Variants in KCNQ1 observed in about 807,000 individuals in gnomAD.
KCNQ1 encodes the protein potassium voltage-gated channel subfamily Q member 1, also known as potassium voltage-gated channel subfamily KQT member 1.
Under a neutral mutation model 72.4 loss-of-function variants are expected in KCNQ1, and 49 were observed. The ratio of observed to expected loss-of-function variants is 0.68; its 90% confidence interval spans 0.54 to 0.86. KCNQ1 has a LOEUF of 0.86. KCNQ1 is among the 40% of genes least tolerant of loss of function. The pLI is 0.00. For missense variants in KCNQ1, 790 were observed against 945.1 expected (o/e 0.84, Z 2.15); for synonymous variants, 450 against 412.6 (o/e 1.09, Z -1.10).
chr11:2,675,462 A>G (rs945509363), intron 11 of KCNQ1: 1 of 398,566 alleles, frequency 2.5e-6, no homozygotes, highest in Non-Finnish European at 4.4e-6. Context: ...AAATGGAAAA[A>G]AGTTACATAA....
Position 2,550,546 on chromosome 11 carries a change from TA to T in KCNQ1, c.478-20081del, listed in dbSNP as rs1847968287. 6.6e-6 allele frequency among the ~76,000 whole-genome samples: 1 copy of T among 152,198 alleles called. No homozygotes were observed. The highest frequency in any genetic ancestry group is 2.1e-4 in the South Asian group (1 of 4,822). Reference sequence around the variant, plus strand: ...CTGATGCCTGACATGCATCCTCGCCTAGGCCAGAGTGCCAGGCAGGGTAGGG... The same window carrying T: ...CTGATGCCTGACATGCATCCTCGCCTGGCCAGAGTGCCAGGCAGGGTAGGG... On this transcript the variant is annotated intron_variant, in intron 2 of 15. Coordinates refer to ENST00000155840, the MANE Select transcript of KCNQ1 (RefSeq NM_000218.3). This position sits in a 1 kb window ranked among gnomAD's most constrained non-coding sequence, Gnocchi z 6.0.
chr11:2,536,500 A>G lies in KCNQ1; in HGVS notation c.477+8482A>G, dbSNP rs1022025794. Among the ~76,000 whole-genome samples, 24 of 152,134 alleles carry G rather than the reference A, an allele frequency of 1.6e-4. No individual in the cohort carries two copies. Among genetic ancestry groups the G allele is most frequent in the Middle Eastern group, 3.4e-3 (1 of 294 alleles). The stretch of plus-strand genomic sequence containing the variant: ...CTGTGGGGGCAGAGGACCTGGGGAG[A>G]CATGCTGAGCCCTCCCAGCGAGACA... On this transcript the variant is annotated intron_variant, in intron 2 of 15. Coordinates refer to ENST00000155840, the MANE Select transcript of KCNQ1 (RefSeq NM_000218.3). This position sits in a 1 kb window ranked among gnomAD's most constrained non-coding sequence, Gnocchi z 7.4.
At chr11:2,539,575 C>T (rs569657208) in intron 2 of KCNQ1, among the ~76,000 whole-genome samples, 159 of 152,350 alleles carry the variant, frequency 1.0e-3, no homozygotes, top group African/African-American at 3.8e-3. Flanking sequence ...CGCCATGGTG[C>T]TCTGCTCTCT....
rs983564411 is a variant in KCNQ1, at chr11:2,824,281, G to T, written c.1795-23486G>T. Among the ~76,000 whole-genome samples, 13 of 152,132 alleles carry T rather than the reference G, an allele frequency of 8.5e-5. No homozygotes were observed. The highest frequency in any genetic ancestry group is 2.7e-4 in the African/African-American group (11 of 41,432). Reference sequence around the variant, plus strand: ...GGCTACGCAGAGGCCCTGGGAGGAGGGAGGCTAGGCCCAGGGGTGGAAAGA... The same window carrying T: ...GGCTACGCAGAGGCCCTGGGAGGAGTGAGGCTAGGCCCAGGGGTGGAAAGA... On this transcript the variant is annotated intron_variant, in intron 15 of 15. Coordinates refer to ENST00000155840, the MANE Select transcript of KCNQ1 (RefSeq NM_000218.3). The surrounding 1 kb of genome is among the most constrained non-coding windows in gnomAD (Gnocchi z 5.9).
intron 11 of KCNQ1, among the ~76,000 whole-genome samples, chr11:2,733,800 A>ACG (rs1845894943): frequency 1.0e-5 from 1 of 99,002 alleles, no homozygotes; most frequent in South Asian, 3.1e-4. Context: ...ACACACACAC[A>ACG]CACACACACA....
chr11:2,594,891 C>T (rs2133769500), intron 10 of KCNQ1, among the ~76,000 whole-genome samples: 1 of 152,282 alleles, frequency 6.6e-6, no homozygotes, highest in East Asian at 1.9e-4. Flanking sequence ...TTTTTTCTGA[C>T]TCTTGCTCAT....
chr11:2,552,999 T>C (rs1264946307), intron 2 of KCNQ1, among the ~76,000 whole-genome samples: 3 of 152,262 alleles, frequency 2.0e-5, no homozygotes, highest in African/African-American at 4.8e-5. Context: ...TTGAAGCTAC[T>C]GAAATGATAT....
intron 10 of KCNQ1, chr11:2,616,565 A>C (rs1384786504): frequency 2.8e-5 from 11 of 397,962 alleles, no homozygotes. Context: ...ACTACATCCC[A>C]TAAGTCTGAG....
rs144910098 is a variant in KCNQ1, at chr11:2,783,375, A to G, written c.1794+5338A>G. On this transcript the variant is annotated intron_variant, in intron 15 of 15. Transcript: ENST00000155840. The surrounding 1 kb of genome is among the most constrained non-coding windows in gnomAD (Gnocchi z 5.2). ...ATGATTTACGGCAAAAATGTGGTCA[A>G]TTTTTGTAAATGTGCCTTCTGTACT... Among the ~76,000 whole-genome samples, 168 of 152,194 alleles carry G rather than the reference A, an allele frequency of 1.1e-3. No individual in the cohort carries two copies. Among genetic ancestry groups the G allele is most frequent in the African/African-American group, 4.0e-3 (165 of 41,566 alleles).
chr11:2,655,625 G>A (rs1479433423), intron 10 of KCNQ1: 3 of 398,726 alleles, frequency 7.5e-6, no homozygotes, highest in Admixed American at 4.4e-5. Context: ...TTGCCCTCAA[G>A]CCCTGGCCTG....
Position 2,787,958 on chromosome 11 carries a change from G to A in KCNQ1, c.1794+9921G>A, listed in dbSNP as rs1412309296. ...TGCTGTGCCACACAGATTCAGCTAT[G>A]GGACAGCGCTGCTTTGGACGGGCAT... is the stretch of plus-strand genomic sequence containing the variant. On this transcript the variant is annotated intron_variant, in intron 15 of 15. Transcript: ENST00000155840. The surrounding 1 kb of genome is among the most constrained non-coding windows in gnomAD (Gnocchi z 6.3). Among the ~76,000 whole-genome samples the A allele has an allele frequency of 6.6e-6, 1 of 152,208 alleles. No homozygotes were observed. Among genetic ancestry groups the A allele is most frequent in the Non-Finnish European group, 1.5e-5 (1 of 68,042 alleles).
Position 2,657,579 on chromosome 11 carries a change from C to T in KCNQ1, c.1394-4382C>T, listed in dbSNP as rs1849871944. ...CCCCTAATGTTAGCATCTTATATAA[C>T]CATGGTACATTGACCAAAACTAAAA... On this transcript the variant is annotated intron_variant, in intron 10 of 15. Transcript: ENST00000155840. The surrounding 1 kb of genome is among the most constrained non-coding windows in gnomAD (Gnocchi z 4.8). 2.5e-6 allele frequency: 1 copy of T among 398,572 alleles called. No individual in the cohort carries two copies. The highest frequency in any genetic ancestry group is 4.4e-6 in the Non-Finnish European group (1 of 226,060). 24.7% of individuals were successfully genotyped at this position (398,572 alleles called of 1,614,324 possible).
At chr11:2,812,200 C>G (rs1253637007) in intron 15 of KCNQ1, among the ~76,000 whole-genome samples, 1 of 152,220 alleles carries the variant, frequency 6.6e-6, no homozygotes, top group East Asian at 1.9e-4. Flanking sequence ...AGAAACACCC[C>G]TGAAACTTGT....
At position 2,549,037 on chromosome 11, in the gene KCNQ1, C is replaced by T. The variant is rs2133690382; in HGVS notation, c.477+21019C>T. ...GGGCCCGGACACGACCTGGTTTCTTCATCCCAGGGGCTGTCTCCAGGGTGG... is the reference window on the plus strand; with the variant it reads ...GGGCCCGGACACGACCTGGTTTCTTTATCCCAGGGGCTGTCTCCAGGGTGG... On this transcript the variant is annotated intron_variant, in intron 2 of 15. Transcript: ENST00000155840. This position sits in a 1 kb window ranked among gnomAD's most constrained non-coding sequence, Gnocchi z 6.2. Among the ~76,000 whole-genome samples, 1 of 152,322 alleles carries T rather than the reference C, an allele frequency of 6.6e-6. No individual in the cohort carries two copies. The highest frequency in any genetic ancestry group is 1.5e-5 in the Non-Finnish European group (1 of 68,032).
chr11:2,555,783 A>G (rs980637002), intron 2 of KCNQ1, among the ~76,000 whole-genome samples: 5 of 152,208 alleles, frequency 3.3e-5, no homozygotes, highest in South Asian at 2.1e-4. Flanking sequence ...CCACTGGCAC[A>G]TTGAGTTCTG....
chr11:2,715,644 C>A lies in KCNQ1; in HGVS notation c.1515-53200C>A, dbSNP rs1334768820. The stretch of plus-strand genomic sequence containing the variant: ...CTGCCAGCCTTGGAACCTGTGACTC[C>A]CCAGGTGGTCAAACACAGAAGGACC... On this transcript the variant is annotated intron_variant, in intron 11 of 15. Transcript: ENST00000155840. This position sits in a 1 kb window ranked among gnomAD's most constrained non-coding sequence, Gnocchi z 4.9. 6.6e-6 allele frequency among the ~76,000 whole-genome samples: 1 copy of A among 152,156 alleles called. No individual in the cohort carries two copies. The highest frequency in any genetic ancestry group is 1.9e-4 in the East Asian group (1 of 5,178).
intron 1 of KCNQ1, among the ~76,000 whole-genome samples, chr11:2,454,223 G>A (rs186600692): frequency 5.8e-4 from 88 of 151,214 alleles, no homozygotes; most frequent in South Asian, 1.3e-3. Flanking sequence ...AAAGGGTGGC[G>A]GGGGGGGAGG....
At position 2,602,838 on chromosome 11, in the gene KCNQ1, G is replaced by A. The variant is rs1013067085; in HGVS notation, c.1393+13984G>A. Among the ~76,000 whole-genome samples the A allele has an allele frequency of 6.6e-6, 1 of 152,174 alleles. No homozygotes were observed. The highest frequency in any genetic ancestry group is 2.4e-5 in the African/African-American group (1 of 41,438). ...AGATACTTATCTTAAGTCAGAAACA[G>A]GGTGCAAATATTTATTCATTGTAGC... On this transcript the variant is annotated intron_variant, in intron 10 of 15. Transcript: ENST00000155840. This position sits in a 1 kb window ranked among gnomAD's most constrained non-coding sequence, Gnocchi z 4.8.
intron 15 of KCNQ1, among the ~76,000 whole-genome samples, chr11:2,838,112 C>T (rs777978202): frequency 3.3e-5 from 5 of 152,204 alleles, no homozygotes; most frequent in Admixed American, 6.5e-5. Flanking sequence ...CTGCTGCACG[C>T]CAAGGGCAGT....
Sources: allele counts gnomAD v4.1 joint callset (sites outside exome capture counted in the v4.1 genomes callset), GRCh38; gene constraint gnomAD v4.1.1; non-coding constraint Gnocchi (gnomAD v3.1); transcripts MANE v1.5; gene names NCBI Gene and HGNC (gene_info 2026-07-23, HGNC 2026-07-21).